BCR: variants seen among roughly 807,000 people sequenced by gnomAD.
The protein encoded by BCR is BCR activator of RhoGEF and GTPase.
Under a neutral mutation model 138.6 loss-of-function variants are expected in BCR, and 58 were observed. The ratio of observed to expected loss-of-function variants is 0.42; its 90% CI spans 0.34 to 0.52. The LOEUF (loss-of-function observed/expected upper bound fraction) is 0.52, where lower values mean the gene tolerates loss of function less well. BCR is among the 20% of genes least tolerant of loss of function. BCR has a pLI of 0.06. For synonymous variants in BCR, 786 were observed against 730.1 expected (o/e 1.08, Z -1.23); for missense variants, 1,599 against 1,727.2 (o/e 0.93, Z 1.32).
intron 6 of BCR, 118 bp from the exon 7 acceptor site, chr22:23,272,963 A>G (rs2073526624): frequency 9.2e-7 from 1 of 1,083,318 alleles, no homozygotes; most frequent in African/African-American, 1.5e-5. Context: ...CAGAGGGGAG[A>G]TGGGGCCTGT....
At chr22:23,309,957 G>A in intron 17 of BCR, 1 of 343,636 alleles carries the variant, frequency 2.9e-6, no homozygotes, top group African/African-American at 2.1e-5. Flanking sequence ...AGAAAGCCAG[G>A]CACAGTGCAC....
chr22:23,190,356 C>A (rs559489031), intron 1 of BCR, among the ~76,000 whole-genome samples: 1 of 152,096 alleles, frequency 6.6e-6, no homozygotes, highest in Admixed American at 6.6e-5. Flanking sequence ...TTAGTAGAGA[C>A]GGGGTTTCAC....
At chr22:23,268,037 C>G (rs992499016) in intron 4 of BCR, among the ~76,000 whole-genome samples, 17 of 152,216 alleles carry the variant, frequency 1.1e-4, no homozygotes, top group African/African-American at 4.1e-4. Flanking sequence ...TACACTCTTG[C>G]AGCCAGAATG....
At position 23,310,340 on chromosome 22, in the gene BCR, C is replaced by T. The variant is rs760485834; in HGVS notation, c.3089C>T (p.Ser1030Leu). ...IAMNGIEVKL[S>L]VKFNSREFSL... ...CTACTGTAGATCGAAGTAAAGCTCT[C>T]GGTCAAGTTCAACAGCAGGGAGTTC... Residue 1030 changes from serine (S) to leucine (L), a missense_variant, in exon 18 of 23, where the codon TCG (serine) becomes TTG (leucine). Coordinates refer to ENST00000305877, the MANE Select transcript of BCR (RefSeq NM_004327.4). The T allele has an allele frequency of 9.3e-6, 13 of 1,394,782 alleles. No individual in the cohort carries two copies. The African/African-American group carries it at 1.2e-4, about 13-fold the overall frequency. 86.4% of individuals were successfully genotyped at this position (1,394,782 alleles called of 1,614,324 possible).
chr22:23,271,362 C>T (rs1397578262), intron 5 of BCR, among the ~76,000 whole-genome samples, 170 bp from the exon 6 acceptor site: 3 of 152,230 alleles, frequency 2.0e-5, no homozygotes, highest in Non-Finnish European at 4.4e-5. Flanking sequence ...ATCCTGCGTG[C>T]TCGGCTTGCT....
chr22:23,256,391 G>A (rs1022977426), intron 2 of BCR, among the ~76,000 whole-genome samples: 16 of 152,102 alleles, frequency 1.1e-4, no homozygotes, highest in Non-Finnish European at 2.1e-4. Flanking sequence ...CCCCTTGCCC[G>A]GGGTGCTGTG....
intron 1 of BCR, among the ~76,000 whole-genome samples, chr22:23,249,863 G>A (rs1205880337): frequency 1.3e-5 from 2 of 152,196 alleles, no homozygotes; most frequent in East Asian, 3.8e-4. Flanking sequence ...AGGCCATCTG[G>A]AATCCAGACT....
At chr22:23,292,734 C>A in intron 15 of BCR, 96 bp downstream of exon 15, 2 of 1,063,728 alleles carry the variant, frequency 1.9e-6, no homozygotes, top group East Asian at 2.5e-5. Flanking sequence ...TCCCTGAGGG[C>A]TTCCCCCGAA....
intron 1 of BCR, among the ~76,000 whole-genome samples, chr22:23,225,953 C>CTTTTA (rs1256624047): frequency 2.6e-5 from 4 of 152,198 alleles, no homozygotes; most frequent in Admixed American, 2.6e-4. Context: ...GCTTTGGATC[C>CTTTTA]TTTTAAAAGT....
At chr22:23,262,689 A>G in intron 4 of BCR, 1 of 623,456 alleles carries the variant, frequency 1.6e-6, no homozygotes, top group South Asian at 7.2e-5. Context: ...GGCCGCCGGG[A>G]ATGGCGGGCC....
At chr22:23,201,983 T>C (rs1478462347) in intron 1 of BCR, among the ~76,000 whole-genome samples, 1 of 152,222 alleles carries the variant, frequency 6.6e-6, no homozygotes, top group Non-Finnish European at 1.5e-5. Flanking sequence ...TTTATATAGT[T>C]AAGATGTTGC....
rs2073693951 is a variant in BCR, at chr22:23,284,978, A to G, written c.2238-55A>G. ...CTCTTGGGCTCTTGACAGCAGTGAC[A>G]TCAGCCATAGAAGGCAGTCGGTGCA... On this transcript the variant is annotated intron_variant, in intron 9 of 22. Coordinates refer to ENST00000305877, the MANE Select transcript of BCR (RefSeq NM_004327.4). 2.5e-6 allele frequency: 4 copies of G among 1,572,454 alleles called. No individual in the cohort carries two copies. The South Asian group carries it at 3.5e-5, about 14-fold the overall frequency.
intron 1 of BCR, among the ~76,000 whole-genome samples, chr22:23,190,815 T>A (rs937736948): frequency 3.9e-5 from 6 of 152,184 alleles, no homozygotes; most frequent in African/African-American, 1.4e-4. Context: ...GAGGGCTGCG[T>A]GCTAAAACTT....
chr22:23,283,785 T>A, intron 8 of BCR, 192 bp from the exon 9 acceptor site: 2 of 666,084 alleles, frequency 3.0e-6, no homozygotes, highest in Non-Finnish European at 4.8e-6. Flanking sequence ...TAAGCCCTGA[T>A]GTGTTAGCAG....
intron 16 of BCR, among the ~76,000 whole-genome samples, chr22:23,305,913 G>A (rs1409059828): frequency 6.6e-6 from 1 of 152,086 alleles, no homozygotes; most frequent in African/African-American, 2.4e-5. Context: ...TTTCCCCCTT[G>A]GTCATCTGTT....
rs996139532 is a variant in BCR at position 23,296,373 on chromosome 22, CA to C, written c.3012+1241del. 8.9e-3 allele frequency among the ~76,000 whole-genome samples: 505 copies of C among 56,694 alleles called. 2 individuals carry two copies. The highest frequency in any genetic ancestry group is 0.017 in the African/African-American group (270 of 15,820). 37.2% of individuals were successfully genotyped at this position (56,694 alleles called of 152,430 possible). A position where few individuals can be genotyped will look rare whatever the true frequency, so the allele number is the denominator to read the frequency against. On this transcript the variant is annotated intron_variant, in intron 16 of 22. Transcript: ENST00000305877. ...TGGGTGACAGAGCGAGAGTCCGTCT[CA>C]AAAAAAAAAAAAAAAAAAAAAATAC...
rs918385056 is a variant in BCR at position 23,202,745 on chromosome 22, GTGTATATA to G, written c.1279+20508_1279+20515del. On this transcript the variant is annotated intron_variant, in intron 1 of 22. Transcript: ENST00000305877. ...TTTGTGTGTGTGTGTGTGTGTGTGT[GTGTATATA>G]TATATATATTTAATCTATCATTCAT... is the stretch of plus-strand genomic sequence containing the variant. Among the ~76,000 whole-genome samples, 25 of 147,634 alleles carry G rather than the reference GTGTATATA, an allele frequency of 1.7e-4. 1 individual carries two copies. The highest frequency in any genetic ancestry group is 6.1e-4 in the African/African-American group (23 of 38,014).
Position 23,285,189 on chromosome 22 carries a change from C to G in BCR, c.2394C>G (p.Ile798Met), listed in dbSNP as rs761005301. 26 of 1,612,354 alleles carry G rather than the reference C, an allele frequency of 1.6e-5. No individual in the cohort carries two copies. The highest frequency in any genetic ancestry group is 1.0e-4 in the Admixed American group (6 of 59,872). ...KIKISQIKND[I>M]QREKRANKGS... ...AGATCTCCCAGATCAAGAATGACAT[C>G]CAGAGAGAGAAGGTGCACACCAGGG... The change falls in exon 10 of 23, where the codon ATC becomes ATG. Residue 798 changes from isoleucine to methionine, a missense_variant. Ile to Met is a conservative substitution (Grantham distance 10, BLOSUM62 1). Transcript: ENST00000305877.
chr22:23,247,561 T>A (rs116935692), intron 1 of BCR, among the ~76,000 whole-genome samples: 3,124 of 152,264 alleles, frequency 0.021, 50 homozygotes, highest in Non-Finnish European at 0.027. Flanking sequence ...CTGGGGCACA[T>A]TGGCAGAGGT....
Sources: gnomAD v4.1 joint callset for allele counts (sites outside exome capture counted in the v4.1 genomes callset) on GRCh38, gnomAD v4.1.1 for gene constraint, MANE v1.5 for transcripts, NCBI Gene and HGNC (gene_info 2026-07-23, HGNC 2026-07-21) for gene names.